The following ITGAE variants were observed in gnomAD, a reference collection of about 807,000 sequenced individuals.
The protein encoded by ITGAE is integrin alpha-E.
In ITGAE, 99 loss-of-function variants were observed where a neutral mutation model predicts 136.5. That is an observed-to-expected ratio of 0.73 (90% CI 0.62 to 0.86). ITGAE has a LOEUF of 0.86. Ranked by LOEUF, ITGAE falls within the 40% of genes least tolerant of loss-of-function variation. The pLI is 0.00. For synonymous variants in ITGAE, 613 were observed against 591.8 expected (o/e 1.04, Z -0.52); for missense variants, 1,447 against 1,515.3 (o/e 0.95, Z 0.75).
Position 3,753,277 on chromosome 17 carries a change from G to A in ITGAE, c.1668+13C>T. 1 of 1,611,646 alleles carries A rather than the reference G, an allele frequency of 6.2e-7. No homozygotes were observed. Among genetic ancestry groups the A allele is most frequent in the Non-Finnish European group, 8.5e-7 (1 of 1,178,296 alleles). ...CAGCCTCAGCAAGCTCATGAAGATG[G>A]AGACTCTCCCACCTGCTCGCTGAGA... On this transcript the variant is annotated intron_variant, in intron 14 of 30. Coordinates refer to ENST00000263087, the MANE Select transcript of ITGAE (RefSeq NM_002208.5).
chr17:3,738,570 G>C (rs560701114), intron 20 of ITGAE, among the ~76,000 whole-genome samples: 1 of 152,222 alleles, frequency 6.6e-6, no homozygotes, highest in Non-Finnish European at 1.5e-5. Context: ...CGTCTGCAGC[G>C]ATGGAGACAG....
chr17:3,734,715 G>T, intron 21 of ITGAE, 102 bp downstream of exon 21: 2 of 1,416,758 alleles, frequency 1.4e-6, no homozygotes, highest in South Asian at 1.3e-5. Flanking sequence ...CCAGGAGGAG[G>T]CTGGAGGCAG....
chr17:3,789,478 CCTCT>C (rs1169275428), intron 1 of ITGAE, among the ~76,000 whole-genome samples: 4 of 136,834 alleles, frequency 2.9e-5, no homozygotes, highest in Non-Finnish European at 6.3e-5. Context: ...CCCTCCCTTC[CCTCT>C]CTCTCTTTCC....
At chr17:3,772,862 A>C (rs1438275588) in intron 2 of ITGAE, among the ~76,000 whole-genome samples, 2 of 152,098 alleles carry the variant, frequency 1.3e-5, no homozygotes. Context: ...CAGCTCTCAC[A>C]ACACAGAACA....
In ITGAE at chr17:3,719,856, T is replaced by C. The variant is rs375998440; in HGVS notation, c.3333+451A>G. On this transcript the variant is annotated intron_variant, in intron 29 of 30. Coordinates refer to ENST00000263087, the MANE Select transcript of ITGAE (RefSeq NM_002208.5). ...GATTCTCGTGCCTCAGCCTCCCAAG[T>C]AGGTGGGATTACAGGCACCCACCAT... Among the ~76,000 whole-genome samples the C allele has an allele frequency of 1.4e-4, 22 of 152,144 alleles. No homozygotes were observed. In the East Asian group the frequency reaches 2.5e-3, roughly 17 times the overall value.
chr17:3,723,742 G>C lies in ITGAE; in HGVS notation c.3087C>G (p.Ala1029=), dbSNP rs763598742. 8.7e-6 allele frequency: 14 copies of C among 1,607,164 alleles called. No individual in the cohort carries two copies. The highest frequency in any genetic ancestry group is 2.2e-5 in the East Asian group (1 of 44,726). ...CCTGACTCCAGGTGCACACCGTGGA[G>C]GCCTGAAACGAGAGCCATGACCGCG... ...VAVKKLTRTQ[A]STVCTWSQER... Residue 1029 remains alanine (A), a splice_region_variant and synonymous_variant, in exon 27 of 31, where the codon GCC becomes GCG. Transcript: ENST00000263087.
At chr17:3,780,170 TG>T (rs1436480314) in intron 1 of ITGAE, among the ~76,000 whole-genome samples, 3 of 148,460 alleles carry the variant, frequency 2.0e-5, no homozygotes, top group Admixed American at 2.0e-4. Flanking sequence ...TTTGTTTATT[TG>T]TTTTTTTTTT....
At chr17:3,741,408 G>A (rs1189760712) in intron 19 of ITGAE, among the ~76,000 whole-genome samples, 5 of 151,954 alleles carry the variant, frequency 3.3e-5, no homozygotes, top group Non-Finnish European at 7.4e-5. Flanking sequence ...TTTTAATATA[G>A]CCACATAGCC....
chr17:3,744,184 T>C (rs1346772461), intron 18 of ITGAE, among the ~76,000 whole-genome samples: 1 of 151,996 alleles, frequency 6.6e-6, no homozygotes, highest in Non-Finnish European at 1.5e-5. Context: ...GCAAGAATAC[T>C]TTCTACTTTG....
intron 24 of ITGAE, among the ~76,000 whole-genome samples, chr17:3,728,765 T>C (rs1032791334): frequency 4.6e-5 from 7 of 150,910 alleles, no homozygotes; most frequent in Non-Finnish European, 8.9e-5. Flanking sequence ...GGTGCAGTGG[T>C]TCATGCCTAT....
intron 2 of ITGAE, among the ~76,000 whole-genome samples, chr17:3,776,165 C>A (rs1051182406): frequency 5.4e-5 from 8 of 147,162 alleles, no homozygotes; most frequent in African/African-American, 2.0e-4. Context: ...TCAAGCAATT[C>A]TCCTGCCTCA....
intron 30 of ITGAE, 132 bp from the exon 31 acceptor site, chr17:3,715,074 AACTT>A: frequency 3.2e-6 from 2 of 616,280 alleles, no homozygotes; most frequent in Non-Finnish European, 5.8e-6. Flanking sequence ...CCCTTCTCCT[AACTT>A]ACTCTGAATC....
chr17:3,793,550 G>C (rs932736758), intron 1 of ITGAE, among the ~76,000 whole-genome samples: 1 of 152,324 alleles, frequency 6.6e-6, no homozygotes, highest in South Asian at 2.1e-4. Flanking sequence ...AGCAGGAACA[G>C]TACAGCCTTC....
chr17:3,735,071 G>A (rs780967286), intron 20 of ITGAE, 122 bp from the exon 21 acceptor site: 24 of 1,087,208 alleles, frequency 2.2e-5, no homozygotes, highest in South Asian at 4.4e-5. Flanking sequence ...ACGGCTCACC[G>A]CAGCCTCCAC....
At chr17:3,774,899 C>T (rs902685296) in intron 2 of ITGAE, among the ~76,000 whole-genome samples, 16 of 152,286 alleles carry the variant, frequency 1.1e-4, no homozygotes, top group African/African-American at 3.6e-4. Context: ...TACATCAGCA[C>T]GCGGCCACCA....
intron 2 of ITGAE, among the ~76,000 whole-genome samples, chr17:3,772,497 A>ATT (rs776970775): frequency 6.9e-6 from 1 of 144,198 alleles, no homozygotes; most frequent in African/African-American, 2.6e-5. Flanking sequence ...ACGGAGTCTC[A>ATT]CTGTCGCCCA....
chr17:3,720,107 A>G (rs556017868), intron 29 of ITGAE, among the ~76,000 whole-genome samples, 200 bp downstream of exon 29: 2 of 152,140 alleles, frequency 1.3e-5, no homozygotes, highest in Non-Finnish European at 2.9e-5. Flanking sequence ...TCAACTCAGA[A>G]CTCCTCAGCT....
At chr17:3,748,414 C>T (rs971925948) in intron 16 of ITGAE, among the ~76,000 whole-genome samples, 3 of 152,062 alleles carry the variant, frequency 2.0e-5, no homozygotes, top group African/African-American at 4.8e-5. Flanking sequence ...GGTGAAACAT[C>T]GTCTCTACTA....
In ITGAE at chr17:3,757,079, G is replaced by C. The variant is rs767193179; in HGVS notation, c.1076C>G (p.Ser359Ter). The C allele has an allele frequency of 5.3e-5, 85 of 1,614,104 alleles. No homozygotes were observed. The highest frequency in any genetic ancestry group is 6.6e-5 in the Non-Finnish European group (78 of 1,180,034). ...RTARELNLIA[S>*]DPDETHAFKV... ...GAAAGCATGGGTCTCATCCGGGTCT[G>C]AGGCGATCAGGTTCAGTTCCCTCGC... Residue 359 changes from serine (S) to a stop codon, truncating the protein, a stop_gained, in exon 10 of 31, where the codon TCA (serine) becomes TGA (stop). Transcript: ENST00000263087. LOFTEE classifies it high-confidence loss of function.
Sources: allele counts gnomAD v4.1 joint callset (sites outside exome capture counted in the v4.1 genomes callset), GRCh38; gene constraint gnomAD v4.1.1; transcripts MANE v1.5; gene names NCBI Gene and HGNC (gene_info 2026-07-23, HGNC 2026-07-21).